FFAR1: variants seen among roughly 807,000 people sequenced by gnomAD.
FFAR1 encodes G-protein coupled receptor 40.
For missense variants in FFAR1, 424 were observed against 396.2 expected (o/e 1.07, Z -0.60); for synonymous variants, 216 against 201.5 (o/e 1.07, Z -0.61).
exon 1 of FFAR1, chr19:35,352,809 A>T (rs916408092): frequency 2.9e-6 from 1 of 339,710 alleles, no homozygotes; most frequent in Non-Finnish European, 5.5e-6. Flanking sequence ...TCTGACCCAC[A>T]GGAACTGCCA....
At chr19:35,352,802 GACCC>G (rs2066951478) in exon 1 of FFAR1, 1 of 366,900 alleles carries the variant, frequency 2.7e-6, no homozygotes, top group Non-Finnish European at 5.1e-6. Context: ...GTCTGTTTCT[GACCC>G]ACAGGAACTG....
upstream of FFAR1, among the ~76,000 whole-genome samples, chr19:35,350,773 C>G (rs115708233): frequency 6.6e-6 from 1 of 152,138 alleles, no homozygotes; most frequent in Non-Finnish European, 1.5e-5. Context: ...CTGCCCATCC[C>G]GGGCATCCTC....
exon 1 of FFAR1, chr19:35,351,705 G>A (rs903170523): frequency 2.6e-6 from 4 of 1,564,824 alleles, no homozygotes; most frequent in East Asian, 4.8e-5. Flanking sequence ...GGGCTGCTCC[G>A]ACCTGCTGCT....
exon 1 of FFAR1, chr19:35,351,826 C>A: frequency 6.2e-7 from 1 of 1,608,936 alleles, no homozygotes; most frequent in Non-Finnish European, 8.5e-7. Flanking sequence ...CCACTCTATG[C>A]CGGCGGGGGC....
chr19:35,353,837 G>A (rs989663353), exon 1 of FFAR1: 11 of 152,170 alleles, frequency 7.2e-5, no homozygotes, highest in African/African-American at 1.9e-4. Flanking sequence ...CAAAGTTTAC[G>A]GTATTGCATT....
At chr19:35,348,264 G>A (rs1489695334), upstream of FFAR1, among the ~76,000 whole-genome samples, 2 of 152,224 alleles carry the variant, frequency 1.3e-5, no homozygotes, top group East Asian at 3.9e-4. Flanking sequence ...TTTGATTCTT[G>A]TGAGCACCAT....
At position 35,352,076 on chromosome 19, in the gene FFAR1, C is replaced by A. The variant is rs139826474; in HGVS notation, c.525C>A (p.Asp175Glu). ...CTCCGGTCTGCCTGGAGGCCTGGGA[C>A]CCGGCCTCTGCCGGCCCGGCCCGCT... The change falls in exon 1 of 1, where the codon GAC becomes GAA. Residue 175 changes from aspartate (D) to glutamate (E), a missense_variant. Asp to Glu is a conservative substitution (Grantham distance 45, BLOSUM62 2). Coordinates refer to ENST00000246553, the Ensembl canonical transcript of FFAR1. 478 of 1,613,410 alleles carry A rather than the reference C, an allele frequency of 3.0e-4. No homozygotes were observed. In the African/African-American group the frequency reaches 5.7e-3, roughly 19 times the overall value.
chr19:35,352,618 A>G (rs1437499868), exon 1 of FFAR1: 8 of 723,854 alleles, frequency 1.1e-5, no homozygotes, highest in Non-Finnish European at 1.6e-5. Context: ...ACCCCAGTCA[A>G]GAGAGGAGCA....
chr19:35,352,031 C>G, exon 1 of FFAR1: 1 of 1,614,074 alleles, frequency 6.2e-7, no homozygotes, highest in Non-Finnish European at 8.5e-7. Context: ...CCCTGGGCAT[C>G]AACACACCGG....
chr19:35,352,387 TG>T lies in FFAR1; in HGVS notation c.839del (p.Gly280GlufsTer6), dbSNP rs1293690383. On this transcript the variant is annotated frameshift_variant, in exon 1 of 1. Transcript: ENST00000246553. LOFTEE classifies it low-confidence loss of function (END_TRUNC). ...CTTAATCCGCTGGTGACCGGTTACT[TG>T]GGAAGGGGTCCTGGCCTGAAGACAG... The T allele has an allele frequency of 1.3e-6, 2 of 1,554,058 alleles. No homozygotes were observed. The highest frequency in any genetic ancestry group is 1.7e-6 in the Non-Finnish European group (2 of 1,148,440).
upstream of FFAR1, among the ~76,000 whole-genome samples, chr19:35,348,309 T>C (rs537565325): frequency 2.8e-4 from 42 of 152,316 alleles, no homozygotes; most frequent in Middle Eastern, 3.4e-3. Context: ...CTTTAAGAAC[T>C]GTTTAAAGCC....
chr19:35,350,347 T>C (rs893083117), upstream of FFAR1, among the ~76,000 whole-genome samples: 1 of 152,190 alleles, frequency 6.6e-6, no homozygotes, highest in Admixed American at 6.5e-5. Context: ...GATCACTCCT[T>C]ACCCCACACA....
rs761159835 is a variant in FFAR1 at position 35,352,117 on chromosome 19, T to C, written c.566T>C (p.Leu189Pro). ...CCGGCCCGCTTCAGCCTCTCTCTCC[T>C]GCTCTTTTTTCTGCCCTTGGCCATC... is the stretch of plus-strand genomic sequence containing the variant. Residue 189 changes from leucine (L) to proline (P), a missense_variant, in exon 1 of 1, where the codon CTG (leucine) becomes CCG (proline). Coordinates refer to ENST00000246553, the Ensembl canonical transcript of FFAR1. The C allele has an allele frequency of 2.9e-5, 47 of 1,612,068 alleles. No homozygotes were observed. The South Asian group carries it at 4.7e-4, about 16-fold the overall frequency.
chr19:35,353,697 C>T (rs975030584), exon 1 of FFAR1: 3 of 152,226 alleles, frequency 2.0e-5, no homozygotes, highest in Non-Finnish European at 4.4e-5. Context: ...GTAACCGCGG[C>T]TGCAGATCTC....
chr19:35,352,489 G>T (rs1157587251), exon 1 of FFAR1: 1 of 1,536,934 alleles, frequency 6.5e-7, no homozygotes. Flanking sequence ...TGGGGCAGGA[G>T]GGCCCGGCTG....
chr19:35,349,499 C>T (rs1009494303), upstream of FFAR1, among the ~76,000 whole-genome samples: 6 of 152,238 alleles, frequency 3.9e-5, no homozygotes, highest in South Asian at 2.1e-4. Flanking sequence ...GCCAGTTCTC[C>T]GCTCACAGCG....
chr19:35,352,351 G>A lies in FFAR1; in HGVS notation c.800G>A (p.Trp267Ter). The stretch of plus-strand genomic sequence containing the variant: ...AAGCTGGGGCTCATCACGGGTGCCT[G>A]GAGTGTGGTGCTTAATCCGCTGGTG... Residue 267 changes from tryptophan (W) to a stop codon, truncating the protein, a stop_gained, in exon 1 of 1, where the codon TGG (tryptophan) becomes TAG (stop). Coordinates refer to ENST00000246553, the Ensembl canonical transcript of FFAR1. LOFTEE classifies it low-confidence loss of function (END_TRUNC). 1 of 1,552,500 alleles carries A rather than the reference G, an allele frequency of 6.4e-7. No homozygotes were observed. The highest frequency in any genetic ancestry group is 8.7e-7 in the Non-Finnish European group (1 of 1,147,720).
At chr19:35,352,002 C>T in exon 1 of FFAR1, 1 of 1,614,110 alleles carries the variant, frequency 6.2e-7, no homozygotes, top group Non-Finnish European at 8.5e-7. Context: ...AGGAGGCTGG[C>T]TGGACCACAG....
chr19:35,351,835 G>T (rs1475409323), exon 1 of FFAR1: 1 of 1,610,502 alleles, frequency 6.2e-7, no homozygotes, highest in African/African-American at 1.3e-5. Context: ...GCCGGCGGGG[G>T]CTTCCTGGCC....
Sources: allele counts gnomAD v4.1 joint callset (sites outside exome capture counted in the v4.1 genomes callset), GRCh38; gene constraint gnomAD v4.1.1; transcripts MANE v1.5; gene names NCBI Gene and HGNC (gene_info 2026-07-23, HGNC 2026-07-21).